Variants in TENM2 observed in about 807,000 individuals in gnomAD.
TENM2 encodes teneurin transmembrane protein 2, also known as teneurin-2.
A neutral mutation model predicts 245.2 loss-of-function variants in TENM2; 52 were observed. The observed-to-expected ratio is 0.21, with a 90% CI of 0.17 to 0.27. The LOEUF (loss-of-function observed/expected upper bound fraction) is 0.27, where lower values mean the gene tolerates loss of function less well. TENM2 is among the 10% of genes least tolerant of loss of function. The probability of loss-of-function intolerance (pLI) is 1.00; values close to 1 mark genes in which losing one functional copy is unlikely to be tolerated. For synonymous variants in TENM2, 1,363 were observed against 1,438.9 expected (o/e 0.95, Z 1.19); for missense variants, 3,046 against 3,666.8 (o/e 0.83, Z 4.37).
At chr5:167,872,121 C>A (rs1204547756) in intron 2 of TENM2, among the ~76,000 whole-genome samples, 1 of 151,756 alleles carries the variant, frequency 6.6e-6, no homozygotes, top group Non-Finnish European at 1.5e-5. Flanking sequence ...AGTGAAACTC[C>A]TTCTATACAA....
In TENM2 at chr5:167,657,856, C is replaced by T. The variant is rs149758439; in HGVS notation, c.503-218130C>T. On this transcript the variant is annotated intron_variant, in intron 2 of 28. Transcript: ENST00000518659. The stretch of plus-strand genomic sequence containing the variant: ...CCCATTAGCCACAGTTTGCCAGTCC[C>T]TGATCTAGCAGAGCATGGAGCCACA... Among the ~76,000 whole-genome samples the T allele has an allele frequency of 5.8e-3, 886 of 152,298 alleles. 12 individuals are homozygous for T. The highest frequency in any genetic ancestry group is 0.02 in the African/African-American group (837 of 41,562).
chr5:167,599,695 T>A (rs1246966908), intron 2 of TENM2, among the ~76,000 whole-genome samples: 1 of 152,180 alleles, frequency 6.6e-6, no homozygotes, highest in African/African-American at 2.4e-5. Context: ...TGGGTTTTTT[T>A]ATTTGTTTAT....
intron 3 of TENM2, among the ~76,000 whole-genome samples, chr5:167,894,980 A>AGGAG (rs1775082689): frequency 2.0e-5 from 2 of 99,560 alleles, no homozygotes; most frequent in Admixed American, 2.5e-4. Flanking sequence ...GAAGGAAGGA[A>AGGAG]GGAAGGAAGG....
At chr5:166,988,444 G>A in the TENM2 span, among the ~76,000 whole-genome samples, 1 of 152,100 alleles carries the variant, frequency 6.6e-6, no homozygotes, top group Non-Finnish European at 1.5e-5. Context: ...TTTTTGATGA[G>A]GGACTATTAT....
At chr5:167,307,799 TTC>T (rs374868564) in intron 1 of TENM2, 4 of 152,318 alleles carry the variant, frequency 2.6e-5, no homozygotes, top group African/African-American at 9.6e-5. Context: ...GAGCCGGAAA[TTC>T]TCTCCTTTGC....
At chr5:167,459,921 C>CACACAA (rs72270041) in intron 2 of TENM2, among the ~76,000 whole-genome samples, 5 of 151,458 alleles carry the variant, frequency 3.3e-5, no homozygotes, top group Non-Finnish European at 7.4e-5. Flanking sequence ...AACACACACA[C>CACACAA]ACACACACAC....
At chr5:167,786,566 T>G (rs1445223747) in intron 2 of TENM2, among the ~76,000 whole-genome samples, 5 of 152,238 alleles carry the variant, frequency 3.3e-5, no homozygotes, top group Non-Finnish European at 5.9e-5. Flanking sequence ...CATGTGCCCT[T>G]TCCTAAACCA....
intron 2 of TENM2, among the ~76,000 whole-genome samples, chr5:167,632,952 C>T (rs1238443398): frequency 6.6e-6 from 1 of 151,986 alleles, no homozygotes. Context: ...GTAAAATGAA[C>T]AGAGTTGATA....
the TENM2 span, among the ~76,000 whole-genome samples, chr5:167,084,355 A>G: frequency 2.1e-3 from 227 of 109,298 alleles, 4 homozygotes; most frequent in African/African-American, 7.3e-3. Flanking sequence ...ATATATATAT[A>G]TATATATATA....
At chr5:167,629,709 C>G in intron 2 of TENM2, among the ~76,000 whole-genome samples, 1 of 152,108 alleles carries the variant, frequency 6.6e-6, no homozygotes, top group East Asian at 1.9e-4. Flanking sequence ...GTTTGGTTTT[C>G]TCAGTGTTAT....
chr5:167,396,168 T>C (rs1451525038), intron 2 of TENM2, among the ~76,000 whole-genome samples: 1 of 152,160 alleles, frequency 6.6e-6, no homozygotes, highest in African/African-American at 2.4e-5. Flanking sequence ...CCCAAAGTCA[T>C]TGTAGCATTA....
At chr5:168,170,720 G>A (rs535705655) in intron 13 of TENM2, among the ~76,000 whole-genome samples, 6 of 152,288 alleles carry the variant, frequency 3.9e-5, no homozygotes, top group East Asian at 1.9e-4. Flanking sequence ...TCCTCTTGCC[G>A]TCTGCTCTCT....
At chr5:167,263,685 A>G in the TENM2 span, among the ~76,000 whole-genome samples, 1 of 152,168 alleles carries the variant, frequency 6.6e-6, no homozygotes, top group South Asian at 2.1e-4. Flanking sequence ...TTATAAAACC[A>G]TCATAAACAC....
chr5:168,255,662 G>A (rs920129793), intron 27 of TENM2, among the ~76,000 whole-genome samples: 4 of 152,060 alleles, frequency 2.6e-5, no homozygotes, highest in African/African-American at 9.7e-5. Flanking sequence ...GTCTCCCTCA[G>A]TGGCAGGTAA....
chr5:167,058,221 G>A, the TENM2 span, among the ~76,000 whole-genome samples: 15 of 152,216 alleles, frequency 9.9e-5, no homozygotes, highest in East Asian at 1.7e-3. Flanking sequence ...GAAGTTAAGG[G>A]TCAGTATTGA....
chr5:167,452,584 T>C (rs1765648284), intron 2 of TENM2, among the ~76,000 whole-genome samples: 1 of 152,078 alleles, frequency 6.6e-6, no homozygotes. Context: ...GAGAACTGAA[T>C]GTATGTCTTT....
At chr5:168,262,338 C>T (rs1348653134) in exon 29 of TENM2, 3 of 1,609,150 alleles carry the variant, frequency 1.9e-6, no homozygotes, top group Non-Finnish European at 2.5e-6. Context: ...GGCAAGGACA[C>T]CCACTACTTT....
chr5:167,028,349 C>T, the TENM2 span, among the ~76,000 whole-genome samples: 1 of 151,858 alleles, frequency 6.6e-6, no homozygotes, highest in African/African-American at 2.4e-5. Context: ...TGAAATGAAT[C>T]CCTAGTATTG....
chr5:167,649,121 C>T (rs1037645864), intron 2 of TENM2, among the ~76,000 whole-genome samples: 3 of 152,106 alleles, frequency 2.0e-5, no homozygotes, highest in Non-Finnish European at 4.4e-5. Flanking sequence ...AATTTGAAAC[C>T]ACCACCTCTC....
Sources: allele counts gnomAD v4.1 joint callset (sites outside exome capture counted in the v4.1 genomes callset), GRCh38; gene constraint gnomAD v4.1.1; transcripts MANE v1.5; gene names NCBI Gene and HGNC (gene_info 2026-07-23, HGNC 2026-07-21).